Variants in MOB1B observed in about 807,000 individuals in gnomAD.
MOB1B encodes the protein MOB1 Mps One Binder homolog B.
In MOB1B, 19 loss-of-function variants were observed where a neutral mutation model predicts 24.4. The observed-to-expected ratio is 0.78, with a 90% confidence interval of 0.54 to 1.14. The LOEUF (loss-of-function observed/expected upper bound fraction) is 1.14, where lower values mean the gene tolerates loss of function less well. Ranked by LOEUF, MOB1B falls within the 50% of genes most tolerant of loss-of-function variation. The pLI, the probability that MOB1B is intolerant of heterozygous loss-of-function variation, is 0.00. For missense variants in MOB1B, 243 were observed against 259.6 expected (o/e 0.94, Z 0.44); for synonymous variants, 76 against 82.1 (o/e 0.93, Z 0.40).
intron 4 of MOB1B, chr4:70,976,405 T>C (rs944763569): frequency 2.0e-6 from 2 of 985,202 alleles, no homozygotes; most frequent in Admixed American, 6.1e-5. Context: ...GATTCAGATA[T>C]TAAGCTATGT....
Position 70,902,502 on chromosome 4 carries a change from C to T in MOB1B, c.-35C>T. The T allele has an allele frequency of 6.4e-7, 1 of 1,554,486 alleles. No homozygotes were observed. The highest frequency in any genetic ancestry group is 8.7e-7 in the Non-Finnish European group (1 of 1,149,514). Reference sequence around the variant, plus strand: ...TGGCCCACGCCGCTCCGAGGCCTCGCGACCGCCGAGCCTGCAGCCTGCCCC... The same window carrying T: ...TGGCCCACGCCGCTCCGAGGCCTCGTGACCGCCGAGCCTGCAGCCTGCCCC... On this transcript the variant is annotated 5_prime_UTR_variant, in exon 1 of 6. Coordinates refer to ENST00000309395, the MANE Select transcript of MOB1B (RefSeq NM_173468.4).
intron 1 of MOB1B, among the ~76,000 whole-genome samples, chr4:70,928,079 C>T (rs899754758): frequency 6.6e-6 from 1 of 152,090 alleles, no homozygotes; most frequent in African/African-American, 2.4e-5. Flanking sequence ...CTGGCCTGTG[C>T]CCCCTTCCCA....
rs113217811 is a variant in MOB1B at position 70,919,596 on chromosome 4, T to A, written c.14+17046T>A. The stretch of plus-strand genomic sequence containing the variant: ...TCACTGCAACCTCTGCCTCCCGGGT[T>A]CAAGTGACTCTCCTCCCTCAGGCTC... On this transcript the variant is annotated intron_variant, in intron 1 of 5. Coordinates refer to ENST00000309395, the MANE Select transcript of MOB1B (RefSeq NM_173468.4). Among the ~76,000 whole-genome samples the A allele has an allele frequency of 7.5e-3, 1,140 of 152,216 alleles. 14 individuals are homozygous for A. The highest frequency in any genetic ancestry group is 0.027 in the African/African-American group (1,101 of 41,524).
intron 4 of MOB1B, among the ~76,000 whole-genome samples, chr4:70,977,329 T>A (rs1212948810): frequency 6.6e-6 from 1 of 152,208 alleles, no homozygotes; most frequent in Non-Finnish European, 1.5e-5. Context: ...TAGATTGTCT[T>A]TTCACTTTGG....
chr4:70,934,394 C>T (rs1403539714), intron 1 of MOB1B, among the ~76,000 whole-genome samples: 1 of 151,700 alleles, frequency 6.6e-6, no homozygotes, highest in East Asian at 2.0e-4. Context: ...CCCCATTCTG[C>T]CAACTTTTCA....
intron 1 of MOB1B, among the ~76,000 whole-genome samples, chr4:70,906,819 A>T (rs1437281297): frequency 6.6e-6 from 1 of 152,224 alleles, no homozygotes; most frequent in Non-Finnish European, 1.5e-5. Flanking sequence ...TGTGGACTCA[A>T]ATCTTTTAAA....
intron 1 of MOB1B, among the ~76,000 whole-genome samples, chr4:70,945,056 T>A (rs1737523284): frequency 6.6e-6 from 1 of 152,250 alleles, no homozygotes; most frequent in South Asian, 2.1e-4. Flanking sequence ...TCTGCCTTAG[T>A]GTTAATGATA....
At chr4:70,935,023 C>A (rs1737026412) in intron 1 of MOB1B, among the ~76,000 whole-genome samples, 1 of 152,102 alleles carries the variant, frequency 6.6e-6, no homozygotes. Flanking sequence ...TAGCCTCCCA[C>A]TTCTGGGCTC....
At chr4:70,927,728 C>T (rs1736710049) in intron 1 of MOB1B, among the ~76,000 whole-genome samples, 1 of 152,046 alleles carries the variant, frequency 6.6e-6, no homozygotes, top group Non-Finnish European at 1.5e-5. Flanking sequence ...ACTTTAGCAT[C>T]TTGGTTTTTA....
chr4:70,928,759 CT>C (rs1001841187), intron 1 of MOB1B, among the ~76,000 whole-genome samples: 1 of 152,010 alleles, frequency 6.6e-6, no homozygotes, highest in African/African-American at 2.4e-5. Flanking sequence ...AATAAAAAAA[CT>C]TTTTTTTAAT....
At chr4:70,964,024 C>T (rs1228239170) in intron 2 of MOB1B, among the ~76,000 whole-genome samples, 1 of 151,962 alleles carries the variant, frequency 6.6e-6, no homozygotes, top group South Asian at 2.1e-4. Flanking sequence ...AGGCAAAAAG[C>T]AATAAAAAAG....
At chr4:70,965,319 A>G (rs1279001063) in intron 2 of MOB1B, among the ~76,000 whole-genome samples, 1 of 150,098 alleles carries the variant, frequency 6.7e-6, no homozygotes, top group South Asian at 2.1e-4. Flanking sequence ...AAAAAAAAAA[A>G]AGTGGTTCTT....
rs182767271 is a variant in MOB1B, at chr4:70,931,464, C to T, written c.15-27410C>T. Among the ~76,000 whole-genome samples the T allele has an allele frequency of 2.0e-3, 308 of 152,268 alleles. 3 individuals carry two copies. The highest frequency in any genetic ancestry group is 7.1e-3 in the African/African-American group (295 of 41,556). ...TTTTATTTGACAACATGCAGGCTTT[C>T]TTCCTAAACATGTTAGAGAAGATTT... On this transcript the variant is annotated intron_variant, in intron 1 of 5. Transcript: ENST00000309395.
intron 1 of MOB1B, among the ~76,000 whole-genome samples, chr4:70,923,413 G>A (rs185489370): frequency 1.2e-4 from 19 of 152,238 alleles, no homozygotes; most frequent in African/African-American, 4.3e-4. Context: ...ATGTTTCCCA[G>A]GCTGGTCTCC....
intron 1 of MOB1B, among the ~76,000 whole-genome samples, chr4:70,926,661 C>T (rs142093010): frequency 1.3e-4 from 20 of 152,148 alleles, no homozygotes; most frequent in African/African-American, 4.1e-4. Flanking sequence ...TGTGTAAAAG[C>T]GAAGTGTTAG....
intron 1 of MOB1B, among the ~76,000 whole-genome samples, chr4:70,911,205 A>G (rs575611411): frequency 6.6e-6 from 1 of 152,260 alleles, no homozygotes; most frequent in East Asian, 1.9e-4. Context: ...GCCAGAGAAT[A>G]GATTTCTGCA....
At chr4:70,911,185 A>AT (rs1050481490) in intron 1 of MOB1B, among the ~76,000 whole-genome samples, 9 of 151,270 alleles carry the variant, frequency 5.9e-5, no homozygotes, top group African/African-American at 7.3e-5. Context: ...TTACTTGTAA[A>AT]TTTTTTTTTG....
chr4:70,952,957 T>C (rs7665171), intron 1 of MOB1B, among the ~76,000 whole-genome samples: 6,652 of 143,754 alleles, frequency 0.046, 140 homozygotes, highest in African/African-American at 0.14. Context: ...TTTTTTTTTT[T>C]TTTGAGTTGG....
At chr4:70,921,415 A>G (rs1015549449) in intron 1 of MOB1B, among the ~76,000 whole-genome samples, 2 of 151,796 alleles carry the variant, frequency 1.3e-5, no homozygotes, top group East Asian at 1.9e-4. Context: ...ATGCTTAACT[A>G]TATTAAAAAA....
Sources: allele counts gnomAD v4.1 joint callset (sites outside exome capture counted in the v4.1 genomes callset), GRCh38; gene constraint gnomAD v4.1.1; transcripts MANE v1.5; gene names NCBI Gene and HGNC (gene_info 2026-07-23, HGNC 2026-07-21).